The following AK9 variants were observed in gnomAD, a reference collection of about 807,000 sequenced individuals.
AK9 encodes adenylate kinase domain containing 1.
Under a neutral mutation model 239.6 loss-of-function variants are expected in AK9, and 191 were observed. That is an observed-to-expected ratio of 0.80 (90% CI 0.71 to 0.90). The LOEUF (loss-of-function observed/expected upper bound fraction) is 0.90, where lower values mean the gene tolerates loss of function less well. AK9 is among the 40% of genes least tolerant of loss of function. AK9 has a pLI of 0.00. For missense variants in AK9, 1,995 were observed against 2,214.7 expected, an observed-to-expected ratio of 0.90 and a Z score of 1.99; for synonymous variants, 689 against 721.0, an observed-to-expected ratio of 0.96 and a Z score of 0.71.
intron 16 of AK9, among the ~76,000 whole-genome samples, 172 bp from the exon 17 acceptor site, chr6:109,610,685 A>G (rs1158661238): frequency 6.6e-6 from 1 of 152,214 alleles, no homozygotes; most frequent in African/African-American, 2.4e-5. Context: ...ATGTTAGGTC[A>G]GGAATCACAG....
intron 24 of AK9, among the ~76,000 whole-genome samples, chr6:109,553,011 T>C (rs956150302): frequency 1.5e-4 from 23 of 152,190 alleles, no homozygotes; most frequent in Non-Finnish European, 3.1e-4. Context: ...GATCAGATGG[T>C]TGTAGATATA....
At chr6:109,575,061 G>C (rs1242983566) in intron 20 of AK9, among the ~76,000 whole-genome samples, 1 of 152,116 alleles carries the variant, frequency 6.6e-6, no homozygotes, top group Non-Finnish European at 1.5e-5. Flanking sequence ...TGGCTCAGTA[G>C]TATTCCATGG....
intron 12 of AK9, chr6:109,632,640 G>A (rs1447529669): frequency 3.5e-6 from 2 of 565,034 alleles, no homozygotes; most frequent in African/African-American, 4.0e-5. Flanking sequence ...AACCAAGAAA[G>A]CTAATAGGTG....
intron 19 of AK9, among the ~76,000 whole-genome samples, chr6:109,581,558 G>T (rs1334457972): frequency 1.3e-5 from 2 of 152,130 alleles, no homozygotes; most frequent in Non-Finnish European, 2.9e-5. Context: ...GCCCTAATTC[G>T]CTTCAATTCT....
In AK9 at chr6:109,497,575, A is replaced by G; in HGVS notation, c.5217-12T>C. 2 of 1,547,654 alleles carry G rather than the reference A, an allele frequency of 1.3e-6. No homozygotes were observed. Among genetic ancestry groups the G allele is most frequent in the South Asian group, 2.3e-5 (2 of 86,690 alleles). On this transcript the variant is annotated splice_polypyrimidine_tract_variant and intron_variant, in intron 37 of 40. Coordinates refer to ENST00000424296, the MANE Select transcript of AK9 (RefSeq NM_001145128.3). ...CTAGAGCTTCATATCTGGAAGACCA[A>G]AAAACAAAACAAAACCTCTATTGTA...
intron 17 of AK9, among the ~76,000 whole-genome samples, chr6:109,604,315 C>A (rs912459348): frequency 6.6e-6 from 1 of 152,142 alleles, no homozygotes; most frequent in Non-Finnish European, 1.5e-5. Context: ...GAATCCTTGA[C>A]CATTCCAAAT....
At chr6:109,605,156 C>A (rs778502257) in intron 17 of AK9, among the ~76,000 whole-genome samples, 43 of 152,108 alleles carry the variant, frequency 2.8e-4, no homozygotes, top group Non-Finnish European at 5.1e-4. Context: ...ATGGGTGTGA[C>A]AGCAGTTGGG....
At chr6:109,576,269 T>C (rs1788059654) in intron 20 of AK9, among the ~76,000 whole-genome samples, 1 of 151,920 alleles carries the variant, frequency 6.6e-6, no homozygotes, top group African/African-American at 2.4e-5. Flanking sequence ...GCAGTATGGT[T>C]ATTTTCACAT....
chr6:109,576,984 C>T (rs919225113), intron 20 of AK9, among the ~76,000 whole-genome samples: 2 of 152,030 alleles, frequency 1.3e-5, no homozygotes, highest in Non-Finnish European at 2.9e-5. Flanking sequence ...GCACCCGCCA[C>T]CACGCCCGGC....
chr6:109,533,230 G>A (rs1290361849), intron 28 of AK9, 21 bp downstream of exon 28: 3 of 1,551,038 alleles, frequency 1.9e-6, no homozygotes, highest in East Asian at 4.5e-5. Context: ...TTTATTCAAT[G>A]CATTTTTGCT....
intron 1 of AK9, among the ~76,000 whole-genome samples, chr6:109,681,304 T>C (rs576436920): frequency 1.7e-3 from 254 of 152,232 alleles, no homozygotes; most frequent in African/African-American, 6.0e-3. Context: ...TCCTAATCTC[T>C]GATAAAACAG....
chr6:109,511,511 A>G (rs17070657), intron 32 of AK9, among the ~76,000 whole-genome samples: 3,142 of 152,264 alleles, frequency 0.021, 80 homozygotes, highest in East Asian at 0.11. Flanking sequence ...ACTGGCTGAA[A>G]GAAGACTCAC....
chr6:109,495,945 G>C lies in AK9; in HGVS notation c.5316-505C>G, dbSNP rs372728459. Reference sequence around the variant, plus strand: ...GCCACTTCCTTATTGGGTCCTTCCTGTGCATATGCATTTAAACATCTTCAT... The same window carrying C: ...GCCACTTCCTTATTGGGTCCTTCCTCTGCATATGCATTTAAACATCTTCAT... On this transcript the variant is annotated intron_variant, in intron 38 of 40. Coordinates refer to ENST00000424296, the MANE Select transcript of AK9 (RefSeq NM_001145128.3). Among the ~76,000 whole-genome samples the C allele has an allele frequency of 5.3e-5, 8 of 150,214 alleles. No homozygotes were observed. The East Asian group carries it at 9.8e-4, about 18-fold the overall frequency.
chr6:109,596,664 G>T (rs1403713168), intron 17 of AK9, among the ~76,000 whole-genome samples: 1 of 152,138 alleles, frequency 6.6e-6, no homozygotes, highest in Non-Finnish European at 1.5e-5. Context: ...AATGAAATCT[G>T]TGAACAGGAA....
intron 1 of AK9, among the ~76,000 whole-genome samples, chr6:109,689,496 C>T (rs1483562024): frequency 6.6e-6 from 1 of 152,176 alleles, no homozygotes; most frequent in Non-Finnish European, 1.5e-5. Flanking sequence ...AATGTTCTGC[C>T]CTATCAGGCT....
chr6:109,663,933 C>T (rs1800807995), intron 5 of AK9, among the ~76,000 whole-genome samples: 1 of 152,172 alleles, frequency 6.6e-6, no homozygotes, highest in African/African-American at 2.4e-5. Flanking sequence ...TGTGAAACTA[C>T]ATTTTCTTCA....
intron 1 of AK9, among the ~76,000 whole-genome samples, chr6:109,681,937 C>T (rs1772698924): frequency 6.6e-6 from 1 of 152,144 alleles, no homozygotes; most frequent in South Asian, 2.1e-4. Flanking sequence ...ACATTTAAAG[C>T]AGTGTGTAGA....
chr6:109,563,798 G>GATT (rs902235486), intron 23 of AK9, 86 bp from the exon 24 acceptor site: 61 of 1,365,356 alleles, frequency 4.5e-5, no homozygotes, highest in Admixed American at 7.6e-5. Flanking sequence ...TGGGAAAATT[G>GATT]ATTATTATTA....
intron 21 of AK9, among the ~76,000 whole-genome samples, chr6:109,568,998 T>C (rs951850754): frequency 1.3e-5 from 2 of 151,926 alleles, no homozygotes; most frequent in Non-Finnish European, 2.9e-5. Flanking sequence ...AAGAACAAAG[T>C]GGGAGGCATC....
Sources: gnomAD v4.1 joint callset for allele counts (sites outside exome capture counted in the v4.1 genomes callset) on GRCh38, gnomAD v4.1.1 for gene constraint, MANE v1.5 for transcripts, NCBI Gene and HGNC (gene_info 2026-07-23, HGNC 2026-07-21) for gene names.